Variants in TTC1 observed in about 807,000 individuals in gnomAD.
TTC1 encodes tetratricopeptide repeat protein 1.
TTC1 carries 31 observed loss-of-function variants against 37.6 expected under a neutral mutation model. The observed-to-expected ratio is 0.82, with a 90% CI of 0.62 to 1.11. The LOEUF (loss-of-function observed/expected upper bound fraction) is 1.11. Ranked by LOEUF, TTC1 falls within the 50% of genes most tolerant of loss-of-function variation. TTC1 has a pLI of 0.00. For synonymous variants in TTC1, 127 were observed against 122.4 expected, an observed-to-expected ratio of 1.04 and a Z score of -0.25; for missense variants, 351 against 339.0, an observed-to-expected ratio of 1.04 and a Z score of -0.28.
intron 2 of TTC1, among the ~76,000 whole-genome samples, chr5:160,033,448 G>A (rs1436574081): frequency 2.6e-5 from 4 of 152,084 alleles, no homozygotes; most frequent in East Asian, 1.9e-4. Flanking sequence ...GGAAATACCC[G>A]GTCTCATCAA....
intron 1 of TTC1, 144 bp from the exon 2 acceptor site, chr5:160,010,356 G>T: frequency 1.9e-6 from 1 of 528,410 alleles, no homozygotes; most frequent in Non-Finnish European, 3.3e-6. Context: ...CTTATGATAA[G>T]CTGTATTTTT....
At chr5:160,023,886 G>C (rs1581096717) in intron 2 of TTC1, 1 of 1,607,674 alleles carries the variant, frequency 6.2e-7, no homozygotes, top group East Asian at 2.2e-5. Flanking sequence ...TTTCTAGAAG[G>C]ATTCCTTGTG....
intron 7 of TTC1, among the ~76,000 whole-genome samples, chr5:160,064,221 G>A (rs890575394): frequency 1.3e-5 from 2 of 151,220 alleles, no homozygotes; most frequent in African/African-American, 2.4e-5. Context: ...CACCCATCTC[G>A]GCCTCCCAAA....
intron 2 of TTC1, among the ~76,000 whole-genome samples, chr5:160,012,369 T>C (rs1263808241): frequency 7.4e-6 from 1 of 134,708 alleles, no homozygotes; most frequent in Non-Finnish European, 1.6e-5. Flanking sequence ...ACTTTTATGA[T>C]TTTTTTTTTT....
intron 2 of TTC1, among the ~76,000 whole-genome samples, chr5:160,019,519 C>T (rs1264124704): frequency 6.6e-6 from 1 of 151,702 alleles, no homozygotes; most frequent in Non-Finnish European, 1.5e-5. Context: ...TAGTGGCCTG[C>T]ATAGTCCTGT....
At chr5:160,022,405 G>A (rs551054615) in intron 2 of TTC1, among the ~76,000 whole-genome samples, 7 of 152,174 alleles carry the variant, frequency 4.6e-5, no homozygotes, top group East Asian at 1.9e-4. Context: ...GGATTTTTGG[G>A]TTTTTTGGAG....
rs1191742927 is a variant in TTC1 at position 160,042,539 on chromosome 5, G to A, written c.505-594G>A. Among the ~76,000 whole-genome samples the A allele has an allele frequency of 3.3e-5, 5 of 152,198 alleles. No individual in the cohort carries two copies. The East Asian group carries it at 9.6e-4, about 29-fold the overall frequency. ...TTGTCAAAGCCAGGACCAGAATTCA[G>A]TTCTTTGACATCCAGTGTTCTTTCC... On this transcript the variant is annotated intron_variant, in intron 4 of 7. Transcript: ENST00000231238.
chr5:160,010,425 T>C (rs1240332852), intron 1 of TTC1, 75 bp from the exon 2 acceptor site: 3 of 947,968 alleles, frequency 3.2e-6, no homozygotes, highest in Non-Finnish European at 4.7e-6. Flanking sequence ...AATGCAGAGG[T>C]TTGTTTAGGT....
chr5:160,043,197 T>C, intron 5 of TTC1, 28 bp downstream of exon 5: 1 of 1,612,318 alleles, frequency 6.2e-7, no homozygotes, highest in Non-Finnish European at 8.5e-7. Flanking sequence ...TATTACATGT[T>C]AACATACAGG....
intron 2 of TTC1, among the ~76,000 whole-genome samples, chr5:160,011,316 G>T (rs1055031578): frequency 6.6e-6 from 1 of 152,048 alleles, no homozygotes; most frequent in Admixed American, 6.5e-5. Context: ...GTGGGGTTTT[G>T]GTTGCAGAGG....
intron 2 of TTC1, among the ~76,000 whole-genome samples, chr5:160,012,122 A>C (rs897330666): frequency 6.6e-6 from 1 of 152,204 alleles, no homozygotes; most frequent in African/African-American, 2.4e-5. Flanking sequence ...TAACATTATA[A>C]CAGGTTTCAG....
At chr5:160,023,604 C>T (rs1451211584) in intron 2 of TTC1, 10 of 688,344 alleles carry the variant, frequency 1.5e-5, no homozygotes, top group East Asian at 2.7e-5. Context: ...TAGGTAGTTT[C>T]GTGTTTTATC....
rs1297496448 is a variant in TTC1 at position 160,065,410 on chromosome 5, G to C, written c.*345G>C. On this transcript the variant is annotated 3_prime_UTR_variant, in exon 8 of 8. Transcript: ENST00000231238. ...AGCCTCTCCTGAACCAAACAAACCTGTTGGTTGGGAGACTGCCCAGACATG... is the reference window on the plus strand; with the variant it reads ...AGCCTCTCCTGAACCAAACAAACCTCTTGGTTGGGAGACTGCCCAGACATG... 1 of 476,988 alleles carries C rather than the reference G, an allele frequency of 2.1e-6. No homozygotes were observed. Among genetic ancestry groups the C allele is most frequent in the African/African-American group, 2.0e-5 (1 of 51,152 alleles). The allele number at this position is 476,988 out of a possible 1,614,324, so 29.5% of individuals were successfully genotyped here.
At chr5:160,045,405 A>T (rs1205120705) in intron 5 of TTC1, among the ~76,000 whole-genome samples, 1 of 151,370 alleles carries the variant, frequency 6.6e-6, no homozygotes, top group African/African-American at 2.4e-5. Flanking sequence ...AATTACATTT[A>T]TATCAATATG....
At position 160,056,015 on chromosome 5, in the gene TTC1, G is replaced by A. The variant is rs931858764; in HGVS notation, c.745+4832G>A. ...GGGATAACAAGCTTCCCTTGCCCCA[G>A]GTGCTGGGTAGGGACTAGGTCCCAG... On this transcript the variant is annotated intron_variant, in intron 7 of 7. Coordinates refer to ENST00000231238, the MANE Select transcript of TTC1 (RefSeq NM_003314.3). Among the ~76,000 whole-genome samples the A allele has an allele frequency of 2.0e-5, 3 of 152,314 alleles. No homozygotes were observed. The East Asian group carries it at 5.8e-4, about 29-fold the overall frequency.
rs111547762 is a variant in TTC1 at position 160,010,276 on chromosome 5, A to T, written c.-29-224A>T. 5.1e-3 allele frequency among the ~76,000 whole-genome samples: 767 copies of T among 151,708 alleles called. 7 individuals are homozygous for T. The Middle Eastern group carries it at 0.062, about 12-fold the overall frequency. On this transcript the variant is annotated intron_variant, in intron 1 of 7. Transcript: ENST00000231238. ...AAGTCTCAAAAAAAAAAAAAAAAAAAAAAGAATCTGGTACCAGATTTGACC... is the reference window on the plus strand; with the variant it reads ...AAGTCTCAAAAAAAAAAAAAAAAAATAAAGAATCTGGTACCAGATTTGACC...
chr5:160,041,223 CTT>C (rs1463635329), intron 4 of TTC1, among the ~76,000 whole-genome samples: 1 of 151,726 alleles, frequency 6.6e-6, no homozygotes, highest in Middle Eastern at 3.2e-3. Flanking sequence ...GGAGTACACT[CTT>C]AACATAATAA....
At chr5:160,027,210 G>A (rs747203020) in intron 2 of TTC1, among the ~76,000 whole-genome samples, 1 of 151,780 alleles carries the variant, frequency 6.6e-6, no homozygotes, top group African/African-American at 2.4e-5. Flanking sequence ...TGTATTTTTT[G>A]TACAGATGGG....
intron 2 of TTC1, among the ~76,000 whole-genome samples, chr5:160,022,443 A>G (rs1288700948): frequency 6.6e-6 from 1 of 152,228 alleles, no homozygotes; most frequent in Non-Finnish European, 1.5e-5. Context: ...CAATTAAAAA[A>G]TTATATTCAA....
Sources: gnomAD v4.1 joint callset for allele counts (sites outside exome capture counted in the v4.1 genomes callset) on GRCh38, gnomAD v4.1.1 for gene constraint, MANE v1.5 for transcripts, NCBI Gene and HGNC (gene_info 2026-07-23, HGNC 2026-07-21) for gene names.